The following DIP2C variants were observed in gnomAD, a reference collection of about 807,000 sequenced individuals.
DIP2C encodes the protein DIP2 acetate--CoA ligase C (putative).
In DIP2C, 33 loss-of-function variants were observed where a neutral mutation model predicts 192.4. That is an observed-to-expected ratio of 0.17 (90% CI 0.13 to 0.23). DIP2C has a LOEUF of 0.23. DIP2C is among the 10% of genes least tolerant of loss of function. The pLI is 1.00. For synonymous variants in DIP2C, 979 were observed against 864.1 expected, an observed-to-expected ratio of 1.13 and a Z score of -2.33; for missense variants, 1,537 against 2,110.1, an observed-to-expected ratio of 0.73 and a Z score of 5.32.
chr10:655,951 G>C (rs1319352546), intron 1 of DIP2C, among the ~76,000 whole-genome samples: 2 of 150,098 alleles, frequency 1.3e-5, no homozygotes, highest in African/African-American at 4.9e-5. Flanking sequence ...TCTGTTCTAC[G>C]CTACCCTATA....
At chr10:304,586 T>TGCA (rs1564529099) in intron 32 of DIP2C, among the ~76,000 whole-genome samples, 1 of 151,964 alleles carries the variant, frequency 6.6e-6, no homozygotes, top group Non-Finnish European at 1.5e-5. Context: ...TCCACATATA[T>TGCA]GCATGTGTGT....
intron 1 of DIP2C, among the ~76,000 whole-genome samples, chr10:527,842 T>C (rs1847146922): frequency 1.3e-5 from 2 of 152,218 alleles, no homozygotes; most frequent in African/African-American, 4.8e-5. Context: ...TCAGCCATCC[T>C]TCCCGTCCCT....
At chr10:560,340 CAA>C (rs1564200495) in intron 1 of DIP2C, among the ~76,000 whole-genome samples, 3 of 151,106 alleles carry the variant, frequency 2.0e-5, no homozygotes, top group African/African-American at 7.3e-5. Context: ...GGCTGGAAGA[CAA>C]AAGCTGCACA....
At chr10:450,678 A>ACCCCC (rs901666645) in intron 3 of DIP2C, among the ~76,000 whole-genome samples, 138 of 152,046 alleles carry the variant, frequency 9.1e-4, no homozygotes, top group African/African-American at 3.1e-3. Context: ...CCACACCAAG[A>ACCCCC]CCCCCAGGGT....
intron 17 of DIP2C, among the ~76,000 whole-genome samples, chr10:376,000 A>G (rs1961534237): frequency 6.6e-6 from 1 of 152,200 alleles, no homozygotes; most frequent in African/African-American, 2.4e-5. Flanking sequence ...CAGCATTTCT[A>G]TGCAACGGAC....
At chr10:604,291 T>G (rs1343555587) in intron 1 of DIP2C, among the ~76,000 whole-genome samples, 1 of 152,180 alleles carries the variant, frequency 6.6e-6, no homozygotes, top group East Asian at 1.9e-4. Context: ...TTCCTCCTAA[T>G]GAACACATCA....
intron 1 of DIP2C, among the ~76,000 whole-genome samples, chr10:515,414 A>G (rs1303749106): frequency 1.3e-5 from 2 of 152,162 alleles, no homozygotes; most frequent in African/African-American, 4.8e-5. Flanking sequence ...TGGTTCATGA[A>G]GGCAGATTTA....
intron 1 of DIP2C, among the ~76,000 whole-genome samples, chr10:637,514 C>T (rs1242396020): frequency 6.6e-6 from 1 of 152,202 alleles, no homozygotes; most frequent in Non-Finnish European, 1.5e-5. Flanking sequence ...TGGGTCCGCA[C>T]ACAGTGGAAG....
intron 5 of DIP2C, among the ~76,000 whole-genome samples, chr10:419,516 T>C (rs1966030823): frequency 6.6e-6 from 1 of 152,208 alleles, no homozygotes; most frequent in South Asian, 2.1e-4. Flanking sequence ...CCTGTGTGTG[T>C]TCACGGAGGG....
intron 17 of DIP2C, among the ~76,000 whole-genome samples, chr10:370,685 C>G (rs989812548): frequency 6.6e-6 from 1 of 152,240 alleles, no homozygotes; most frequent in Non-Finnish European, 1.5e-5. Context: ...AATTCCTCAA[C>G]GGTTATCTAA....
At chr10:387,892 T>G in intron 13 of DIP2C, 83 bp from the exon 14 acceptor site, 1 of 1,362,596 alleles carries the variant, frequency 7.3e-7, no homozygotes, top group East Asian at 2.3e-5. Context: ...CAATATTGCA[T>G]CAGGGGAAAT....
chr10:384,731 G>T (rs138035883), intron 14 of DIP2C, 92 bp from the exon 15 acceptor site: 8 of 1,263,938 alleles, frequency 6.3e-6, no homozygotes, highest in African/African-American at 4.4e-5. Context: ...GGCCGCACGG[G>T]CAGGGGGGAG....
intron 1 of DIP2C, among the ~76,000 whole-genome samples, chr10:513,468 CCG>C (rs938858185): frequency 3.3e-5 from 5 of 152,184 alleles, no homozygotes; most frequent in Admixed American, 6.5e-5. Context: ...ACACTGCGGC[CCG>C]CGCCTCTCCT....
intron 1 of DIP2C, among the ~76,000 whole-genome samples, chr10:560,326 C>T (rs1385108766): frequency 6.6e-6 from 1 of 151,950 alleles, no homozygotes; most frequent in East Asian, 1.9e-4. Flanking sequence ...CTAAAGTGCT[C>T]AGCGGCTGGA....
intron 1 of DIP2C, among the ~76,000 whole-genome samples, chr10:530,653 T>TAAAAA (rs59344971): frequency 2.3e-3 from 242 of 106,072 alleles, no homozygotes; most frequent in Middle Eastern, 5.4e-3. Context: ...CCCTATCTCT[T>TAAAAA]AAAAAAAAAA....
At chr10:626,422 CAT>C (rs1854203341) in intron 1 of DIP2C, among the ~76,000 whole-genome samples, 1 of 149,076 alleles carries the variant, frequency 6.7e-6, no homozygotes, top group African/African-American at 2.6e-5. Context: ...CTCCATCCCC[CAT>C]CCTCGGTGTT....
intron 1 of DIP2C, among the ~76,000 whole-genome samples, chr10:520,204 CAA>C (rs1432479970): frequency 6.6e-6 from 1 of 152,184 alleles, no homozygotes; most frequent in East Asian, 1.9e-4. Context: ...TGCTTACAGG[CAA>C]AGTTTCCACA....
intron 1 of DIP2C, among the ~76,000 whole-genome samples, chr10:514,272 C>T (rs147761123): frequency 7.6e-4 from 115 of 152,210 alleles, no homozygotes; most frequent in African/African-American, 2.3e-3. Flanking sequence ...ACTCAGTTCT[C>T]GTTCAATACG....
intron 1 of DIP2C, among the ~76,000 whole-genome samples, chr10:492,561 G>C (rs148974800): frequency 1.4e-3 from 216 of 152,282 alleles, no homozygotes; most frequent in African/African-American, 5.0e-3. Flanking sequence ...GTTATTTAGT[G>C]CCTAGCGCCC....
Sources: gnomAD v4.1 joint callset for allele counts (sites outside exome capture counted in the v4.1 genomes callset) on GRCh38, gnomAD v4.1.1 for gene constraint, MANE v1.5 for transcripts, NCBI Gene and HGNC (gene_info 2026-07-23, HGNC 2026-07-21) for gene names.